The following LINGO2 variants were observed in gnomAD, a reference collection of about 807,000 sequenced individuals.
The protein encoded by LINGO2 is leucine rich repeat and Ig domain containing 2, also known as leucine-rich repeat and immunoglobulin-like domain-containing nogo receptor-interacting protein 2.
A neutral mutation model predicts 30.6 loss-of-function variants in LINGO2; 14 were observed. That is an observed-to-expected ratio of 0.46 (90% CI 0.30 to 0.72). The LOEUF (loss-of-function observed/expected upper bound fraction) is 0.72. LINGO2 is among the 30% of genes least tolerant of loss of function. LINGO2 has a pLI of 0.07. For missense variants in LINGO2, 729 were observed against 751.7 expected, an observed-to-expected ratio of 0.97 and a Z score of 0.35; for synonymous variants, 317 against 288.5, an observed-to-expected ratio of 1.10 and a Z score of -1.00.
intron 4 of LINGO2, among the ~76,000 whole-genome samples, chr9:28,237,106 G>A (rs1186949377): frequency 1.4e-5 from 1 of 73,512 alleles, no homozygotes; most frequent in African/African-American, 5.9e-5. Context: ...AAACAAAATA[G>A]TTAAACAGTG....
At chr9:28,747,098 CT>C in the LINGO2 span, among the ~76,000 whole-genome samples, 3 of 152,030 alleles carry the variant, frequency 2.0e-5, no homozygotes, top group Non-Finnish European at 4.4e-5. Flanking sequence ...AAAAAGTTGC[CT>C]TTTGGCCAAC....
At chr9:28,953,552 G>A in the LINGO2 span, among the ~76,000 whole-genome samples, 1 of 151,886 alleles carries the variant, frequency 6.6e-6, no homozygotes, top group African/African-American at 2.4e-5. Flanking sequence ...AAAAATTAGG[G>A]GAGTGAGACT....
chr9:28,851,572 T>C, the LINGO2 span, among the ~76,000 whole-genome samples: 253 of 152,130 alleles, frequency 1.7e-3, no homozygotes, highest in Admixed American at 3.3e-3. Flanking sequence ...GGACATAACA[T>C]CTATGAGGAG....
At chr9:28,895,555 A>G in the LINGO2 span, among the ~76,000 whole-genome samples, 1 of 152,258 alleles carries the variant, frequency 6.6e-6, no homozygotes, top group East Asian at 1.9e-4. Flanking sequence ...TTTTTCCTTT[A>G]AAACCTTTGT....
chr9:28,646,392 C>T (rs1286234268), intron 1 of LINGO2, among the ~76,000 whole-genome samples: 1 of 152,060 alleles, frequency 6.6e-6, no homozygotes, highest in Non-Finnish European at 1.5e-5. Flanking sequence ...TAGGAGCAAG[C>T]ACGGTCAGTG....
chr9:28,189,321 AAGGG>A (rs1819677328), intron 4 of LINGO2, among the ~76,000 whole-genome samples: 9 of 15,444 alleles, frequency 5.8e-4, no homozygotes, highest in African/African-American at 1.3e-3. Flanking sequence ...GGAAGGAAGG[AAGGG>A]AGGGAGGAAG....
chr9:28,025,067 T>C (rs746825828), intron 4 of LINGO2, among the ~76,000 whole-genome samples: 1 of 152,214 alleles, frequency 6.6e-6, no homozygotes, highest in African/African-American at 2.4e-5. Flanking sequence ...ATTACTTTCA[T>C]GCTTTGGGCT....
intron 1 of LINGO2, among the ~76,000 whole-genome samples, chr9:28,499,779 A>G (rs985208936): frequency 1.3e-5 from 2 of 152,202 alleles, no homozygotes; most frequent in African/African-American, 4.8e-5. Flanking sequence ...TGACATTTCC[A>G]AAGAAGTTTG....
At chr9:28,994,660 C>A in the LINGO2 span, among the ~76,000 whole-genome samples, 1 of 151,530 alleles carries the variant, frequency 6.6e-6, no homozygotes, top group Non-Finnish European at 1.5e-5. Flanking sequence ...GGTACTGGTA[C>A]CAAAACAGAG....
At chr9:28,632,683 A>ATCT (rs1563878389) in intron 1 of LINGO2, among the ~76,000 whole-genome samples, 5,046 of 105,378 alleles carry the variant, frequency 0.048, 283 homozygotes, top group Admixed American at 0.17. Context: ...TCTATATAAA[A>ATCT]ATATATTTAT....
chr9:29,009,779 ATAC>A, the LINGO2 span, among the ~76,000 whole-genome samples: 1 of 152,168 alleles, frequency 6.6e-6, no homozygotes, highest in Non-Finnish European at 1.5e-5. Context: ...ACTTCAAACT[ATAC>A]TACAAGGCTA....
At chr9:28,166,602 A>G (rs1009936449) in intron 4 of LINGO2, among the ~76,000 whole-genome samples, 6 of 152,142 alleles carry the variant, frequency 3.9e-5, no homozygotes, top group African/African-American at 1.4e-4. Flanking sequence ...GCACAAAAAG[A>G]TTTTTTTAAT....
At chr9:28,938,907 A>C in the LINGO2 span, among the ~76,000 whole-genome samples, 1 of 152,220 alleles carries the variant, frequency 6.6e-6, no homozygotes, top group Non-Finnish European at 1.5e-5. Context: ...ATGTTAAGAA[A>C]TAAGAGCTCA....
intron 1 of LINGO2, among the ~76,000 whole-genome samples, chr9:28,530,332 C>T (rs1821183635): frequency 6.6e-6 from 1 of 152,054 alleles, no homozygotes; most frequent in Non-Finnish European, 1.5e-5. Flanking sequence ...CAAATTATCC[C>T]TCAGGCAATA....
In LINGO2 at chr9:28,257,088, C is replaced by T. The variant is rs1336544495; in HGVS notation, c.-87+38120G>A. 2.0e-5 allele frequency among the ~76,000 whole-genome samples: 3 copies of T among 147,992 alleles called. No homozygotes were observed. In the East Asian group the frequency reaches 6.1e-4, roughly 30 times the overall value. ...TCAATCCCCATGGACTTTTAAGTTA[C>T]TTTTAGTTTTTTTTTTCTGACATAA... is the stretch of plus-strand genomic sequence containing the variant. On this transcript the variant is annotated intron_variant, in intron 4 of 5. Coordinates refer to ENST00000379992, the Ensembl canonical transcript of LINGO2.
chr9:29,142,780 A>C, the LINGO2 span, among the ~76,000 whole-genome samples: 1 of 152,000 alleles, frequency 6.6e-6, no homozygotes, highest in Non-Finnish European at 1.5e-5. Flanking sequence ...ATAGTACTGA[A>C]GTCCTAGCCA....
At chr9:28,589,366 T>C (rs1247812667) in intron 1 of LINGO2, among the ~76,000 whole-genome samples, 1 of 152,166 alleles carries the variant, frequency 6.6e-6, no homozygotes, top group Non-Finnish European at 1.5e-5. Context: ...AAGTTGTCTC[T>C]GTTTGCAGAT....
chr9:29,133,776 C>G, the LINGO2 span, among the ~76,000 whole-genome samples: 17 of 152,076 alleles, frequency 1.1e-4, no homozygotes, highest in Non-Finnish European at 2.4e-4. Flanking sequence ...GCTACCATTG[C>G]AACATAAATA....
At chr9:28,651,494 G>A (rs541977570) in intron 1 of LINGO2, among the ~76,000 whole-genome samples, 38 of 152,164 alleles carry the variant, frequency 2.5e-4, no homozygotes, top group African/African-American at 8.7e-4. Context: ...ACAGAAACCA[G>A]TAAATGTGTC....
Sources: gnomAD v4.1 joint callset for allele counts (sites outside exome capture counted in the v4.1 genomes callset) on GRCh38, gnomAD v4.1.1 for gene constraint, MANE v1.5 for transcripts, NCBI Gene and HGNC (gene_info 2026-07-23, HGNC 2026-07-21) for gene names.